Variants in ZNF836 observed in about 807,000 individuals in gnomAD.
ZNF836 encodes zinc finger protein 836.
Under a neutral mutation model 7.4 loss-of-function variants are expected in ZNF836, and 12 were observed. The observed-to-expected ratio is 1.61, with a 90% confidence interval of 1.03 to 2.61. The LOEUF is 2.61. Among genes scored for constraint, ZNF836 ranks in the 30% most tolerant of loss-of-function variants. The probability of loss-of-function intolerance (pLI) is 0.00; values close to 1 mark genes in which losing one functional copy is unlikely to be tolerated. For missense variants in ZNF836, 998 were observed against 1,126.2 expected (o/e 0.89, Z 1.63); for synonymous variants, 365 against 382.6 (o/e 0.95, Z 0.54).
In ZNF836 at chr19:52,161,652, GAA is replaced by G. The variant is rs35116958; in HGVS notation, c.16-1063_16-1062del. Among the ~76,000 whole-genome samples, 293 of 140,310 alleles carry G rather than the reference GAA, an allele frequency of 2.1e-3. 2 individuals carry two copies. The East Asian group carries it at 0.023, about 11-fold the overall frequency. The allele number at this position is 140,310 out of a possible 152,430, so 92.0% of individuals were successfully genotyped here. The stretch of plus-strand genomic sequence containing the variant: ...AAGTTTCAACATGAATTGTGGAGGA[GAA>G]AAAAAAAAAAAACTCAGACTGTAAC... On this transcript the variant is annotated intron_variant, in intron 3 of 4. Transcript: ENST00000682614. The surrounding 1 kb of genome is among the most constrained non-coding windows in gnomAD (Gnocchi z 4.1).
At position 52,155,905 on chromosome 19, in the gene ZNF836, T is replaced by C; in HGVS notation, c.1778A>G (p.Asn593Ser). 1 of 1,614,008 alleles carries C rather than the reference T, an allele frequency of 6.2e-7. No individual in the cohort carries two copies. Among genetic ancestry groups the C allele is most frequent in the Non-Finnish European group, 8.5e-7 (1 of 1,179,898 alleles). Residue 593 changes from asparagine to serine, a missense_variant, in exon 5 of 5, where the codon AAC becomes AGC. By Grantham distance (46) the Asn-to-Ser change is conservative. Coordinates refer to ENST00000682614, the MANE Select transcript of ZNF836 (RefSeq NM_001102657.3). Reference sequence around the variant, plus strand: ...TAGATGACGTGCTAGGCATGAGTAGTTCCTGAAGACTGTGCCACATTCATT... The same window carrying C: ...TAGATGACGTGCTAGGCATGAGTAGCTCCTGAAGACTGTGCCACATTCATT... The part of the protein sequence containing the change: ...QCNECGTVFR[N>S]YSCLARHLRI...
rs1414947865 is a variant in ZNF836, at chr19:52,155,627, T to C, written c.2056A>G (p.Ile686Val). The change falls in exon 5 of 5, where the codon ATA (isoleucine) becomes GTA (valine). Residue 686 changes from isoleucine to valine, a missense_variant. By Grantham distance (29) the Ile-to-Val change is conservative (BLOSUM62 3). Transcript: ENST00000682614. The stretch of plus-strand genomic sequence containing the variant: ...TAAGGTTTCTCTCCAGTATGAATTA[T>C]CAGATGTTTAGTGAGGCTTGAACGC... ...TQRSSLTKHLIIHTGEKPYNC... is the reference protein window; with the variant it reads ...TQRSSLTKHLVIHTGEKPYNC... 1.9e-6 allele frequency: 3 copies of C among 1,614,124 alleles called. No individual in the cohort carries two copies. The highest frequency in any genetic ancestry group is 2.5e-6 in the Non-Finnish European group (3 of 1,180,008).
chr19:52,155,891 C>A lies in ZNF836; in HGVS notation c.1792G>T (p.Ala598Ser). 6.2e-7 allele frequency: 1 copy of A among 1,613,962 alleles called. No individual in the cohort carries two copies. Among genetic ancestry groups the A allele is most frequent in the Non-Finnish European group, 8.5e-7 (1 of 1,179,896 alleles). ...CCAGTATGAATTCTTAGATGACGTG[C>A]TAGGCATGAGTAGTTCCTGAAGACT... ...GTVFRNYSCLARHLRIHTGQK... is the reference protein window; with the variant it reads ...GTVFRNYSCLSRHLRIHTGQK... Residue 598 changes from alanine (A) to serine (S), a missense_variant, in exon 5 of 5, where the codon GCA becomes TCA. Coordinates refer to ENST00000682614, the MANE Select transcript of ZNF836 (RefSeq NM_001102657.3).
intron 4 of ZNF836, among the ~76,000 whole-genome samples, chr19:52,158,842 T>G (rs1224291024): frequency 6.6e-6 from 1 of 152,206 alleles, no homozygotes; most frequent in East Asian, 1.9e-4. Flanking sequence ...GACTTATGTC[T>G]GCCAAAACTC....
At chr19:52,168,841 G>A (rs1025588328) in intron 2 of ZNF836, among the ~76,000 whole-genome samples, 8 of 152,172 alleles carry the variant, frequency 5.3e-5, no homozygotes, top group African/African-American at 1.7e-4. Flanking sequence ...AAGACATTAC[G>A]CTAGGTGAAA....
chr19:52,168,039 A>C lies in ZNF836; in HGVS notation c.15+19T>G. 1.9e-6 allele frequency: 3 copies of C among 1,557,014 alleles called. No homozygotes were observed. In the African/African-American group the frequency reaches 4.1e-5, roughly 21 times the overall value. On this transcript the variant is annotated intron_variant, in intron 3 of 4. Coordinates refer to ENST00000682614, the MANE Select transcript of ZNF836 (RefSeq NM_001102657.3). Reference sequence around the variant, plus strand: ...AAAAAGGAAGGAGACAGAATGATCCACTAAGAATATCATTTTACCTGTGTA... The same window carrying C: ...AAAAAGGAAGGAGACAGAATGATCCCCTAAGAATATCATTTTACCTGTGTA...
intron 3 of ZNF836, among the ~76,000 whole-genome samples, chr19:52,166,943 A>T (rs2089270396): frequency 6.6e-6 from 1 of 151,792 alleles, no homozygotes; most frequent in Non-Finnish European, 1.5e-5. Flanking sequence ...CAAATATATT[A>T]TGTGATGTTT....
At chr19:52,168,020 G>A in intron 3 of ZNF836, 38 bp downstream of exon 3, 1 of 1,487,004 alleles carries the variant, frequency 6.7e-7, no homozygotes, top group African/African-American at 1.4e-5. Context: ...TTTCAAAAAG[G>A]AAGGAGACAG....
In ZNF836 at chr19:52,157,349, C is replaced by T; in HGVS notation, c.334G>A (p.Val112Met). 6.2e-7 allele frequency: 1 copy of T among 1,607,344 alleles called. No homozygotes were observed. Among genetic ancestry groups the T allele is most frequent in the Non-Finnish European group, 8.5e-7 (1 of 1,178,234 alleles). Residue 112 changes from valine to methionine, a missense_variant, in exon 5 of 5, where the codon GTG becomes ATG. Physicochemically the swap from Val to Met is conservative, Grantham distance 21. Transcript: ENST00000682614. ...AGATTGTTTTTATAGGTCATTGGCA[C>T]TTCTTTATAATTTATTTCACCATCT... ...WKDGEINYKE[V>M]PMTYKNNLNG...
At chr19:52,158,703 A>T (rs1161888203) in intron 4 of ZNF836, among the ~76,000 whole-genome samples, 3 of 152,166 alleles carry the variant, frequency 2.0e-5, no homozygotes. Context: ...AGATCGCGCC[A>T]CAGCACTCCA....
At chr19:52,160,705 T>C (rs1202911201) in intron 3 of ZNF836, 114 bp from the exon 4 acceptor site, 7 of 1,324,474 alleles carry the variant, frequency 5.3e-6, no homozygotes, top group Non-Finnish European at 6.1e-6. Context: ...CACATATCCA[T>C]GCAAGGCATC....
rs745677194 is a variant in ZNF836, at chr19:52,155,869, G to T, written c.1814C>A (p.Thr605Asn). ...SCLARHLRIH[T>N]GQKPYKCNVC... ...ATTACATTTGTAAGGTTTCTGCCCA[G>T]TATGAATTCTTAGATGACGTGCTAG... The change falls in exon 5 of 5, where the codon ACT (threonine) becomes AAT (asparagine). Residue 605 changes from threonine (T) to asparagine (N), a missense_variant. Transcript: ENST00000682614. 6.2e-7 allele frequency: 1 copy of T among 1,614,028 alleles called. No homozygotes were observed. The highest frequency in any genetic ancestry group is 1.7e-5 in the Admixed American group (1 of 60,004).
chr19:52,157,821 G>A (rs537252953), intron 4 of ZNF836, among the ~76,000 whole-genome samples: 90 of 152,048 alleles, frequency 5.9e-4, no homozygotes, highest in Non-Finnish European at 1.0e-3. Flanking sequence ...CGCCCACCTC[G>A]GCCCCACAAA....
chr19:52,170,187 T>C (rs2089297084), intron 1 of ZNF836, among the ~76,000 whole-genome samples: 1 of 151,732 alleles, frequency 6.6e-6, no homozygotes, highest in Non-Finnish European at 1.5e-5. Context: ...TTTCCTCCCC[T>C]TTTCTGTTTT....
intron 4 of ZNF836, 194 bp downstream of exon 4, chr19:52,160,271 A>G: frequency 1.6e-6 from 1 of 641,484 alleles, no homozygotes; most frequent in East Asian, 2.7e-5. Context: ...CAACAAGGGA[A>G]GACATTCAAA....
In ZNF836 at chr19:52,155,505, A is replaced by G. The variant is rs774577127; in HGVS notation, c.2178T>C (p.His726=). Reference sequence around the variant, plus strand: ...TTATATGACTAAAAGTTCTACCACAATGGCTACATTTGTGTGGTTTCTCCC... The same window carrying G: ...TTATATGACTAAAAGTTCTACCACAGTGGCTACATTTGTGTGGTTTCTCCC... ...PTGEKPHKCS[H]CGRTFSHITG... The change falls in exon 5 of 5, where the codon CAT becomes CAC. Residue 726 remains histidine (H), a synonymous_variant. Transcript: ENST00000682614. 2.5e-6 allele frequency: 4 copies of G among 1,613,910 alleles called. No individual in the cohort carries two copies. The highest frequency in any genetic ancestry group is 4.5e-5 in the East Asian group (2 of 44,870).
chr19:52,168,054 T>G lies in ZNF836; in HGVS notation c.15+4A>C, dbSNP rs1261738780. ...AGAATGATCCACTAAGAATATCATTTTACCTGTGTAAGAGCCATCCCTGAC... is the reference window on the plus strand; with the variant it reads ...AGAATGATCCACTAAGAATATCATTGTACCTGTGTAAGAGCCATCCCTGAC... On this transcript the variant is annotated splice_donor_region_variant and intron_variant, in intron 3 of 4. Transcript: ENST00000682614. The G allele has an allele frequency of 6.2e-7, 1 of 1,601,916 alleles. No individual in the cohort carries two copies. The highest frequency in any genetic ancestry group is 8.6e-7 in the Non-Finnish European group (1 of 1,169,528).
chr19:52,169,306 G>A (rs911694354), intron 2 of ZNF836, among the ~76,000 whole-genome samples: 1 of 152,140 alleles, frequency 6.6e-6, no homozygotes, highest in African/African-American at 2.4e-5. Flanking sequence ...TAGGCCAGGC[G>A]CAGTAGCTCA....
In ZNF836 at chr19:52,161,010, T is replaced by C. The variant is rs2089208564; in HGVS notation, c.16-419A>G. ...ACCACAGCAACAGCAATGACTGAAG[T>C]TTTGGAACACTCCCCATGTGCTGGG... On this transcript the variant is annotated intron_variant, in intron 3 of 4. Transcript: ENST00000682614. This position sits in a 1 kb window ranked among gnomAD's most constrained non-coding sequence, Gnocchi z 4.1. 6.6e-6 allele frequency among the ~76,000 whole-genome samples: 1 copy of C among 152,206 alleles called. No homozygotes were observed. The highest frequency in any genetic ancestry group is 2.4e-5 in the African/African-American group (1 of 41,456).
Sources: allele counts gnomAD v4.1 joint callset (sites outside exome capture counted in the v4.1 genomes callset), GRCh38; gene constraint gnomAD v4.1.1; non-coding constraint Gnocchi (gnomAD v3.1); transcripts MANE v1.5; gene names NCBI Gene and HGNC (gene_info 2026-07-23, HGNC 2026-07-21).